Variants in SMG9 observed in about 807,000 individuals in gnomAD.
SMG9 encodes SMG9 nonsense mediated mRNA decay factor, also known as nonsense-mediated mRNA decay factor SMG9.
Under a neutral mutation model 64.0 loss-of-function variants are expected in SMG9, and 55 were observed. The observed-to-expected ratio is 0.86, with a 90% CI of 0.69 to 1.08. SMG9 has a LOEUF of 1.08. Ranked by LOEUF, SMG9 falls within the 50% of genes least tolerant of loss-of-function variation. The pLI is 0.00. For missense variants in SMG9, 554 were observed against 681.3 expected (o/e 0.81, Z 2.08); for synonymous variants, 244 against 254.8 (o/e 0.96, Z 0.41).
At chr19:43,740,253 T>C in intron 6 of SMG9, 35 bp from the exon 7 acceptor site, 1 of 1,456,114 alleles carries the variant, frequency 6.9e-7, no homozygotes. Context: ...GTGTGAGAGC[T>C]CTGGTTCTCA....
Position 43,738,134 on chromosome 19 carries a change from G to C in SMG9, c.897C>G (p.Tyr299Ter), listed in dbSNP as rs372793400. Residue 299 changes from tyrosine (Y) to a stop codon, truncating the protein, a stop_gained, in exon 8 of 14, where the codon TAC becomes TAG. Coordinates refer to ENST00000270066, the MANE Select transcript of SMG9 (RefSeq NM_019108.4). LOFTEE classifies it high-confidence loss of function. The stretch of plus-strand genomic sequence containing the variant: ...TTGGCTCCCTCACCTGCATTTCAAC[G>C]TAAGTGTGGGGAAGGTTGTACTCTG... ...LPPEYNLPHT[Y>*]VEMQSLQIAA... The C allele has an allele frequency of 2.5e-5, 41 of 1,613,974 alleles. No individual in the cohort carries two copies. Among genetic ancestry groups the C allele is most frequent in the Admixed American group, 3.3e-5 (2 of 59,992 alleles).
Position 43,731,533 on chromosome 19 carries a change from G to T in SMG9, c.*63C>A. The stretch of plus-strand genomic sequence containing the variant: ...CCACCCCAGCGGGGGATGGACATCT[G>T]TGCTCCCTCGCAGTACACTGCGGAC... On this transcript the variant is annotated 3_prime_UTR_variant, in exon 14 of 14. Coordinates refer to ENST00000270066, the MANE Select transcript of SMG9 (RefSeq NM_019108.4). 6.2e-7 allele frequency: 1 copy of T among 1,607,208 alleles called. No homozygotes were observed. The highest frequency in any genetic ancestry group is 1.7e-4 in the Middle Eastern group (1 of 6,028).
rs775445159 is a variant in SMG9 at position 43,752,902 on chromosome 19, T to TAAAAAAAAAAAAAAAAAAAAAAAAAAAA, written c.-7+1751_-7+1752insTTTTTTTTTTTTTTTTTTTTTTTTTTTT. ...CTGGGTAACAAAGCAAGACCCTGTC[T>TAAAAAAAAAAAAAAAAAAAAAAAAAAAA]AAAAAAAAAAAAAAGCAGAACCCTG... is the stretch of plus-strand genomic sequence containing the variant. On this transcript the variant is annotated intron_variant, in intron 1 of 13. Coordinates refer to ENST00000270066, the MANE Select transcript of SMG9 (RefSeq NM_019108.4). Among the ~76,000 whole-genome samples the TAAAAAAAAAAAAAAAAAAAAAAAAAAAA allele has an allele frequency of 7.3e-4, 70 of 96,136 alleles. 3 individuals are homozygous for TAAAAAAAAAAAAAAAAAAAAAAAAAAAA. Among genetic ancestry groups the TAAAAAAAAAAAAAAAAAAAAAAAAAAAA allele is most frequent in the African/African-American group, 1.1e-3 (23 of 21,108 alleles). The allele number at this position is 96,136 out of a possible 152,430, so 63.1% of individuals were successfully genotyped here. A position where few individuals can be genotyped will look rare whatever the true frequency, so the allele number is the denominator to read the frequency against.
chr19:43,739,454 C>T (rs555469592), intron 7 of SMG9, among the ~76,000 whole-genome samples: 37 of 152,214 alleles, frequency 2.4e-4, no homozygotes, highest in African/African-American at 8.4e-4. Flanking sequence ...ACGGGATATG[C>T]GAAGTCCAGA....
rs772745858 is a variant in SMG9 at position 43,750,692 on chromosome 19, C to T, written c.50G>A (p.Arg17Gln). Residue 17 changes from arginine (R) to glutamine (Q), a missense_variant, in exon 2 of 14, where the codon CGG becomes CAG. By Grantham distance (43) the Arg-to-Gln change is conservative. Coordinates refer to ENST00000270066, the MANE Select transcript of SMG9 (RefSeq NM_019108.4). The stretch of plus-strand genomic sequence containing the variant: ...AGAGCCAGGCTCCTTCCACCGTCGC[C>T]GCCGCTCTATCCCATAGAGTCCAGG... ...SQPGLYGIER[R>Q]RRWKEPGSGG... 9.3e-6 allele frequency: 15 copies of T among 1,613,830 alleles called. No homozygotes were observed. Among genetic ancestry groups the T allele is most frequent in the South Asian group, 5.5e-5 (5 of 91,058 alleles).
Position 43,747,832 on chromosome 19 carries a change from G to A in SMG9, c.291C>T (p.Pro97=). 1 of 1,605,792 alleles carries A rather than the reference G, an allele frequency of 6.2e-7. No homozygotes were observed. The highest frequency in any genetic ancestry group is 8.5e-7 in the Non-Finnish European group (1 of 1,175,484). Residue 97 remains proline (P), a synonymous_variant, in exon 4 of 14, where the codon CCC becomes CCT. Transcript: ENST00000270066. ...CCTCCCGTGGCTTCATGAGAACGAT[G>A]GGCTTCTCCAGAGGGGCTGGAGCAG... ...APPAPAPLEK[P]IVLMKPREEG...
At position 43,730,911 on chromosome 19, in the gene SMG9, CTG is replaced by C. The variant is rs1316558491; in HGVS notation, c.*683_*684del. The C allele has an allele frequency of 1.3e-5, 2 of 158,516 alleles. No homozygotes were observed. The highest frequency in any genetic ancestry group is 4.8e-5 in the African/African-American group (2 of 41,530). 9.8% of individuals were successfully genotyped at this position (158,516 alleles called of 1,614,324 possible). On this transcript the variant is annotated 3_prime_UTR_variant, in exon 14 of 14. Coordinates refer to ENST00000270066, the MANE Select transcript of SMG9 (RefSeq NM_019108.4). Reference sequence around the variant, plus strand: ...GGGCATTTAACCCAAAGGCAGGTAACTGTCTTTAAGTGAGAGCAGAAGACACG... The same window carrying C: ...GGGCATTTAACCCAAAGGCAGGTAACTCTTTAAGTGAGAGCAGAAGACACG...
intron 9 of SMG9, among the ~76,000 whole-genome samples, chr19:43,735,795 C>T (rs532709102): frequency 6.6e-6 from 1 of 152,226 alleles, no homozygotes; most frequent in South Asian, 2.1e-4. Flanking sequence ...AACACATCTA[C>T]AATCTCAAGG....
intron 1 of SMG9, among the ~76,000 whole-genome samples, chr19:43,752,718 C>A (rs1375192018): frequency 6.6e-6 from 1 of 151,954 alleles, no homozygotes; most frequent in Non-Finnish European, 1.5e-5. Flanking sequence ...GGCAACATAG[C>A]AAGATCCTGT....
chr19:43,744,629 C>T (rs1568378983), intron 6 of SMG9, 143 bp downstream of exon 6: 1 of 549,326 alleles, frequency 1.8e-6, no homozygotes. Context: ...TCATCTTCAT[C>T]TCATGAAGAC....
At chr19:43,747,949 C>T in intron 3 of SMG9, 29 bp downstream of exon 3, 1 of 1,614,210 alleles carries the variant, frequency 6.2e-7, no homozygotes, top group Non-Finnish European at 8.5e-7. Flanking sequence ...TCCCTAACGG[C>T]TCCCCCTCCT....
At chr19:43,743,652 C>T (rs912779295) in intron 6 of SMG9, among the ~76,000 whole-genome samples, 2 of 152,126 alleles carry the variant, frequency 1.3e-5, no homozygotes, top group Admixed American at 6.5e-5. Context: ...TAAAAACCAG[C>T]TGGTGTGGTG....
chr19:43,754,425 T>C (rs1969288957), intron 1 of SMG9: 1 of 152,234 alleles, frequency 6.6e-6, no homozygotes, highest in Admixed American at 6.5e-5. Context: ...TTGCAGGCTG[T>C]ACTTGGATCT....
chr19:43,747,420 G>T, intron 5 of SMG9, 22 bp downstream of exon 5: 1 of 1,608,110 alleles, frequency 6.2e-7, no homozygotes, highest in Non-Finnish European at 8.5e-7. Flanking sequence ...GGAAGCTCAG[G>T]CAGGGCAGGA....
At position 43,731,372 on chromosome 19, in the gene SMG9, C is replaced by T. The variant is rs1968478119; in HGVS notation, c.*224G>A. Reference sequence around the variant, plus strand: ...GAGGACACAGGACGGGCTACCCCATCTCAGGTTTGGGGTGGGATCGCTCAC... The same window carrying T: ...GAGGACACAGGACGGGCTACCCCATTTCAGGTTTGGGGTGGGATCGCTCAC... On this transcript the variant is annotated 3_prime_UTR_variant, in exon 14 of 14. Transcript: ENST00000270066. 2 of 1,361,988 alleles carry T rather than the reference C, an allele frequency of 1.5e-6. No homozygotes were observed. The highest frequency in any genetic ancestry group is 1.9e-6 in the Non-Finnish European group (2 of 1,056,352). The allele number at this position is 1,361,988 out of a possible 1,614,324, so 84.4% of individuals were successfully genotyped here.
Position 43,729,083 on chromosome 19 carries a change from ATACT to A in SMG9, c.*2509_*2512del. On this transcript the variant is annotated 3_prime_UTR_variant, in exon 14 of 14. Coordinates refer to ENST00000270066, the MANE Select transcript of SMG9 (RefSeq NM_019108.4). ...AAAGGGGGTGGCGGGTGACCGGTAC[ATACT>A]TACCCACTGTTCAGAAGGCTACTGC... The A allele has an allele frequency of 1.0e-6, 1 of 967,796 alleles. No individual in the cohort carries two copies. Among genetic ancestry groups the A allele is most frequent in the Non-Finnish European group, 1.2e-6 (1 of 813,872 alleles). The allele number at this position is 967,796 out of a possible 1,614,324, so 60.0% of individuals were successfully genotyped here. A position where few individuals can be genotyped will look rare whatever the true frequency, so the allele number is the denominator to read the frequency against.
At chr19:43,750,171 G>C (rs748366309) in intron 2 of SMG9, 3 of 523,522 alleles carry the variant, frequency 5.7e-6, no homozygotes, top group Non-Finnish European at 1.1e-5. Context: ...AGGCCTACCA[G>C]GTCCTACATG....
chr19:43,747,829 G>A lies in SMG9; in HGVS notation c.294C>T (p.Ile98=), dbSNP rs754295926. 26 of 1,605,566 alleles carry A rather than the reference G, an allele frequency of 1.6e-5. No homozygotes were observed. Among genetic ancestry groups the A allele is most frequent in the East Asian group, 8.9e-5 (4 of 44,810 alleles). ...PPAPAPLEKP[I]VLMKPREEGK... is the part of the protein sequence containing the mutation. Reference sequence around the variant, plus strand: ...CCTCCTCCCGTGGCTTCATGAGAACGATGGGCTTCTCCAGAGGGGCTGGAG... The same window carrying A: ...CCTCCTCCCGTGGCTTCATGAGAACAATGGGCTTCTCCAGAGGGGCTGGAG... The change falls in exon 4 of 14, where the codon ATC becomes ATT. Residue 98 remains isoleucine, a synonymous_variant. Coordinates refer to ENST00000270066, the MANE Select transcript of SMG9 (RefSeq NM_019108.4).
At chr19:43,752,931 C>CA (rs1555721913) in intron 1 of SMG9, among the ~76,000 whole-genome samples, 1 of 123,118 alleles carries the variant, frequency 8.1e-6, no homozygotes, top group South Asian at 2.4e-4. Context: ...AACCCTGTCT[C>CA]AAAAAAACAG....
Sources: allele counts gnomAD v4.1 joint callset (sites outside exome capture counted in the v4.1 genomes callset), GRCh38; gene constraint gnomAD v4.1.1; transcripts MANE v1.5; gene names NCBI Gene and HGNC (gene_info 2026-07-23, HGNC 2026-07-21).